The following AGBL1 variants were observed in gnomAD, a reference collection of about 807,000 sequenced individuals.
AGBL1 encodes the protein cytosolic carboxypeptidase 4.
A neutral mutation model predicts 118.9 loss-of-function variants in AGBL1; 130 were observed. The observed-to-expected ratio is 1.09, with a 90% confidence interval of 0.95 to 1.26. The LOEUF is 1.26. AGBL1 is among the 50% of genes most tolerant of loss of function. The pLI is 0.00. For missense variants in AGBL1, 1,584 were observed against 1,298.1 expected (o/e 1.22, Z -3.38); for synonymous variants, 555 against 478.9 (o/e 1.16, Z -2.08).
At chr15:86,200,428 C>A (rs1378654235) in intron 5 of AGBL1, among the ~76,000 whole-genome samples, 1 of 151,992 alleles carries the variant, frequency 6.6e-6, no homozygotes, top group Non-Finnish European at 1.5e-5. Flanking sequence ...CAGTGACTTA[C>A]AAATTATCAC....
At chr15:86,997,605 T>C (rs1173155616) in intron 24 of AGBL1, among the ~76,000 whole-genome samples, 1 of 152,152 alleles carries the variant, frequency 6.6e-6, no homozygotes, top group East Asian at 1.9e-4. Context: ...ATAGACTGTA[T>C]CCTCTAGGCC....
At chr15:86,812,723 T>A (rs965420271) in intron 22 of AGBL1, among the ~76,000 whole-genome samples, 1 of 152,188 alleles carries the variant, frequency 6.6e-6, no homozygotes, top group Non-Finnish European at 1.5e-5. Flanking sequence ...CTCCATGCAC[T>A]GCTGGAAATG....
intron 5 of AGBL1, among the ~76,000 whole-genome samples, chr15:86,221,872 T>A (rs892412185): frequency 1.9e-4 from 29 of 152,204 alleles, no homozygotes; most frequent in Admixed American, 1.4e-3. Flanking sequence ...GAAATGACTC[T>A]GATATATTAA....
chr15:86,448,472 G>C (rs2082154454), intron 18 of AGBL1, among the ~76,000 whole-genome samples: 1 of 152,172 alleles, frequency 6.6e-6, no homozygotes, highest in Non-Finnish European at 1.5e-5. Flanking sequence ...ATGAATTACT[G>C]ATCTAAAAAT....
At chr15:86,950,145 A>G (rs1357028050) in intron 23 of AGBL1, among the ~76,000 whole-genome samples, 1 of 152,012 alleles carries the variant, frequency 6.6e-6, no homozygotes, top group Admixed American at 6.6e-5. Flanking sequence ...TAGAGGAGAA[A>G]TTACCTAAAG....
chr15:86,797,021 A>T (rs530285404), intron 22 of AGBL1, among the ~76,000 whole-genome samples: 1 of 152,304 alleles, frequency 6.6e-6, no homozygotes, highest in African/African-American at 2.4e-5. Context: ...TTCAAATTTT[A>T]ACAACTATCT....
rs1202769596 is a variant in AGBL1, at chr15:86,319,175, T to C, written c.2374+23767T>C. Among the ~76,000 whole-genome samples, 4 of 152,320 alleles carry C rather than the reference T, an allele frequency of 2.6e-5. No homozygotes were observed. The East Asian group carries it at 7.7e-4, about 29-fold the overall frequency. Reference sequence around the variant, plus strand: ...CTATGATGTGGTTCAAAGTCTCTCCTAACCGAGTATATACTTAGAAGGGAA... The same window carrying C: ...CTATGATGTGGTTCAAAGTCTCTCCCAACCGAGTATATACTTAGAAGGGAA... On this transcript the variant is annotated intron_variant, in intron 17 of 22. Transcript: ENST00000614907.
chr15:86,239,967 A>G (rs545881633), intron 6 of AGBL1, among the ~76,000 whole-genome samples: 2 of 152,344 alleles, frequency 1.3e-5, no homozygotes, highest in East Asian at 3.9e-4. Context: ...CTCCATAGAT[A>G]TATACAATCA....
At chr15:86,450,937 A>C (rs149758566) in intron 18 of AGBL1, among the ~76,000 whole-genome samples, 1 of 152,226 alleles carries the variant, frequency 6.6e-6, no homozygotes, top group East Asian at 1.9e-4. Context: ...CCAGCTATTT[A>C]TAGGTTTATG....
intron 6 of AGBL1, among the ~76,000 whole-genome samples, chr15:86,246,391 G>A (rs1057197043): frequency 5.9e-5 from 9 of 152,202 alleles, no homozygotes; most frequent in African/African-American, 1.9e-4. Context: ...ACAGTGTCTG[G>A]GGAGAGAGAG....
intron 22 of AGBL1, among the ~76,000 whole-genome samples, chr15:86,732,352 T>C (rs1339098383): frequency 6.6e-6 from 1 of 152,246 alleles, no homozygotes; most frequent in Non-Finnish European, 1.5e-5. Context: ...CCACCACAGC[T>C]GGAAATTGAA....
intron 16 of AGBL1, among the ~76,000 whole-genome samples, chr15:86,283,625 A>G (rs536307697): frequency 1.5e-4 from 23 of 152,302 alleles, no homozygotes; most frequent in African/African-American, 5.5e-4. Context: ...TCCAGTGGGA[A>G]ATGTTGACTT....
chr15:86,680,725 C>T lies in AGBL1; in HGVS notation c.3158+6289C>T, dbSNP rs1039081722. Among the ~76,000 whole-genome samples the T allele has an allele frequency of 4.0e-5, 6 of 151,480 alleles. No individual in the cohort carries two copies. In the South Asian group the frequency reaches 1.0e-3, roughly 26 times the overall value. ...GGGATTACAGGTGCCCACCATCATG[C>T]GTGGCTAATTTTTATATTTTTAGTA... is the stretch of plus-strand genomic sequence containing the variant. On this transcript the variant is annotated intron_variant, in intron 22 of 22. Transcript: ENST00000614907.
chr15:86,937,521 A>T (rs2080691016), intron 23 of AGBL1, among the ~76,000 whole-genome samples: 1 of 152,230 alleles, frequency 6.6e-6, no homozygotes, highest in South Asian at 2.1e-4. Flanking sequence ...GCTAGAGGCC[A>T]TTATCCTCAG....
intron 1 of AGBL1, among the ~76,000 whole-genome samples, chr15:86,084,823 C>T (rs1462902530): frequency 1.3e-5 from 2 of 149,030 alleles, no homozygotes; most frequent in African/African-American, 4.9e-5. Context: ...CACTCATCCA[C>T]CCATTCATTT....
chr15:86,677,436 A>G (rs1246183633), intron 22 of AGBL1, among the ~76,000 whole-genome samples: 1 of 152,086 alleles, frequency 6.6e-6, no homozygotes, highest in Non-Finnish European at 1.5e-5. Context: ...ATCCCTGGAA[A>G]TAATTGTGTG....
chr15:86,253,019 C>G (rs2078840732), intron 7 of AGBL1, among the ~76,000 whole-genome samples: 1 of 152,024 alleles, frequency 6.6e-6, no homozygotes, highest in Admixed American at 6.6e-5. Flanking sequence ...AGAACCAGTG[C>G]CATGAGGGTC....
intron 21 of AGBL1, among the ~76,000 whole-genome samples, chr15:86,583,548 A>G (rs187388068): frequency 2.4e-4 from 37 of 152,262 alleles, no homozygotes; most frequent in Admixed American, 1.6e-3. Context: ...TCAATGGTGT[A>G]TATATGTACA....
intron 18 of AGBL1, among the ~76,000 whole-genome samples, chr15:86,463,272 T>C (rs2082356360): frequency 6.6e-6 from 1 of 151,978 alleles, no homozygotes. Flanking sequence ...TTTGCCCACA[T>C]TTGATGGGGT....
Sources: gnomAD v4.1 joint callset for allele counts (sites outside exome capture counted in the v4.1 genomes callset) on GRCh38, gnomAD v4.1.1 for gene constraint, MANE v1.5 for transcripts, NCBI Gene and HGNC (gene_info 2026-07-23, HGNC 2026-07-21) for gene names.